FAM135B: variants seen among roughly 807,000 people sequenced by gnomAD.
The protein encoded by FAM135B is family with sequence similarity 135 member B.
Under a neutral mutation model 127.7 loss-of-function variants are expected in FAM135B, and 43 were observed. That is an observed-to-expected ratio of 0.34 (90% CI 0.26 to 0.43). The LOEUF is 0.43. Among genes scored for constraint, FAM135B ranks in the 20% least tolerant of loss-of-function variants. FAM135B has a pLI of 1.00. For synonymous variants in FAM135B, 670 were observed against 665.1 expected, an observed-to-expected ratio of 1.01 and a Z score of -0.11; for missense variants, 1,558 against 1,725.6, an observed-to-expected ratio of 0.90 and a Z score of 1.72.
At chr8:138,491,979 G>A (rs189190512) in intron 1 of FAM135B, among the ~76,000 whole-genome samples, 5 of 152,284 alleles carry the variant, frequency 3.3e-5, no homozygotes, top group East Asian at 1.9e-4. Flanking sequence ...TGGAACAGGG[G>A]CTGAATGTCG....
In FAM135B at chr8:138,142,428, T is replaced by G. The variant is rs1041314166; in HGVS notation, c.3638+584A>C. ...ACGCCATTCTCCTGCGTCAGCCTCC[T>G]GAGTAGCTGGGACTGCAGGTGCCCG... On this transcript the variant is annotated intron_variant, in intron 16 of 19. Transcript: ENST00000395297. Among the ~76,000 whole-genome samples, 9 of 150,556 alleles carry G rather than the reference T, an allele frequency of 6.0e-5. No individual in the cohort carries two copies. In the East Asian group the frequency reaches 1.8e-3, roughly 30 times the overall value.
chr8:138,339,069 T>A (rs1295873220), intron 2 of FAM135B, among the ~76,000 whole-genome samples: 1 of 141,408 alleles, frequency 7.1e-6, no homozygotes, highest in Non-Finnish European at 1.5e-5. Context: ...ATGAGAACAC[T>A]TGGACACAGG....
chr8:138,317,401 A>C (rs2130926832), intron 2 of FAM135B, among the ~76,000 whole-genome samples: 1 of 152,332 alleles, frequency 6.6e-6, no homozygotes, highest in Non-Finnish European at 1.5e-5. Flanking sequence ...AGCAACATAA[A>C]ATGTGAGATC....
intron 12 of FAM135B, among the ~76,000 whole-genome samples, chr8:138,154,176 G>C (rs1818464035): frequency 6.6e-6 from 1 of 152,148 alleles, no homozygotes; most frequent in Admixed American, 6.5e-5. Context: ...AGGCAAACAG[G>C]ATCTGGAGTG....
Position 138,141,451 on chromosome 8 carries a change from C to T in FAM135B, c.3639-102G>A. 8.4e-7 allele frequency: 1 copy of T among 1,194,476 alleles called. No individual in the cohort carries two copies. The highest frequency in any genetic ancestry group is 1.4e-5 in the South Asian group (1 of 73,614). The allele number at this position is 1,194,476 out of a possible 1,614,324, so 74.0% of individuals were successfully genotyped here. A position where few individuals can be genotyped will look rare whatever the true frequency, so the allele number is the denominator to read the frequency against. On this transcript the variant is annotated intron_variant, in intron 16 of 19. Coordinates refer to ENST00000395297, the MANE Select transcript of FAM135B (RefSeq NM_015912.4). The surrounding 1 kb of genome is among the most constrained non-coding windows in gnomAD (Gnocchi z 4.7). ...AGGGGCCATTGTTCTCCACCTCCCA[C>T]TGAATGTAGGGGAACTGGCAAAGAG...
chr8:138,178,793 A>C (rs1814727540), intron 9 of FAM135B, 103 bp from the exon 10 acceptor site: 1 of 909,340 alleles, frequency 1.1e-6, no homozygotes, highest in Non-Finnish European at 1.7e-6. Flanking sequence ...TCAATAAAGC[A>C]CTCTCCTTTC....
chr8:138,200,248 T>C (rs1817002352), intron 7 of FAM135B, among the ~76,000 whole-genome samples: 1 of 152,224 alleles, frequency 6.6e-6, no homozygotes, highest in Non-Finnish European at 1.5e-5. Flanking sequence ...AGAAGACTTG[T>C]CCATTTTGGA....
intron 1 of FAM135B, among the ~76,000 whole-genome samples, chr8:138,495,865 T>C (rs1815371011): frequency 6.6e-6 from 1 of 152,156 alleles, no homozygotes; most frequent in Non-Finnish European, 1.5e-5. Context: ...AATGGACAAC[T>C]GAAGCGGTGT....
In FAM135B at chr8:138,167,950, A is replaced by G. The variant is rs2130900885; in HGVS notation, c.1203T>C (p.Asp401=). ...LPAECLDIDG[D]WNTLPVIFED... ...CAAAGATCACCGGCAGGGTGTTCCA[A>G]TCGCCGTCGATGTCCAGGCACTCTG... Residue 401 remains aspartate, a synonymous_variant, in exon 12 of 20, where the codon GAT becomes GAC. Transcript: ENST00000395297. 1 of 1,613,944 alleles carries G rather than the reference A, an allele frequency of 6.2e-7. No homozygotes were observed. Among genetic ancestry groups the G allele is most frequent in the Non-Finnish European group, 8.5e-7 (1 of 1,179,932 alleles).
chr8:138,133,158 G>C (rs1816341231), intron 19 of FAM135B, among the ~76,000 whole-genome samples: 1 of 152,156 alleles, frequency 6.6e-6, no homozygotes, highest in South Asian at 2.1e-4. Context: ...TCTATTTCAG[G>C]GGATCTTGGG....
chr8:138,442,770 C>A (rs1357991838), intron 1 of FAM135B, among the ~76,000 whole-genome samples: 2 of 152,028 alleles, frequency 1.3e-5, no homozygotes, highest in African/African-American at 4.8e-5. Flanking sequence ...ATCAGAAAGC[C>A]CTGCTGTGCT....
At chr8:138,420,088 C>A (rs1455598159) in intron 1 of FAM135B, among the ~76,000 whole-genome samples, 5 of 151,782 alleles carry the variant, frequency 3.3e-5, no homozygotes, top group African/African-American at 9.7e-5. Flanking sequence ...TAGTGATAGA[C>A]CTCTAACTGG....
At chr8:138,162,339 A>T (rs1481030483) in intron 12 of FAM135B, among the ~76,000 whole-genome samples, 1 of 152,190 alleles carries the variant, frequency 6.6e-6, no homozygotes, top group African/African-American at 2.4e-5. Context: ...GAGCAATGGA[A>T]CTACTGTGTA....
At chr8:138,373,210 G>A (rs1831255657) in intron 1 of FAM135B, among the ~76,000 whole-genome samples, 1 of 152,118 alleles carries the variant, frequency 6.6e-6, no homozygotes, top group South Asian at 2.1e-4. Context: ...GACCCCAAAT[G>A]GAGGGACCGG....
intron 12 of FAM135B, among the ~76,000 whole-genome samples, chr8:138,153,845 A>C (rs1013473255): frequency 2.0e-5 from 3 of 151,946 alleles, no homozygotes; most frequent in African/African-American, 7.2e-5. Flanking sequence ...GCCTCTGTAG[A>C]CTCCACCTCT....
intron 3 of FAM135B, among the ~76,000 whole-genome samples, chr8:138,266,981 C>T (rs1399201006): frequency 6.6e-6 from 1 of 152,074 alleles, no homozygotes; most frequent in Non-Finnish European, 1.5e-5. Context: ...TCATAACAAA[C>T]CCATAAGGTA....
intron 7 of FAM135B, among the ~76,000 whole-genome samples, chr8:138,210,204 G>C (rs949286167): frequency 3.3e-5 from 5 of 152,126 alleles, no homozygotes; most frequent in African/African-American, 1.2e-4. Context: ...GGTTCACTAT[G>C]GTGCCTTAGA....
At chr8:138,258,135 G>T (rs376196651) in intron 4 of FAM135B, among the ~76,000 whole-genome samples, 7 of 152,258 alleles carry the variant, frequency 4.6e-5, no homozygotes, top group African/African-American at 1.7e-4. Flanking sequence ...TTGATCCCTT[G>T]CTCCAGAAAT....
At chr8:138,158,622 G>C (rs978907017) in intron 12 of FAM135B, among the ~76,000 whole-genome samples, 2 of 152,298 alleles carry the variant, frequency 1.3e-5, no homozygotes, top group Non-Finnish European at 2.9e-5. Flanking sequence ...CCATCAAAAA[G>C]TGGGCAAAGG....
Sources: gnomAD v4.1 joint callset for allele counts (sites outside exome capture counted in the v4.1 genomes callset) on GRCh38, gnomAD v4.1.1 for gene constraint, Gnocchi (gnomAD v3.1) non-coding constraint, MANE v1.5 for transcripts, NCBI Gene and HGNC (gene_info 2026-07-23, HGNC 2026-07-21) for gene names.